Variants in HS6ST3 observed in about 807,000 individuals in gnomAD.
The protein encoded by HS6ST3 is heparan sulfate 6-O-sulfotransferase 3, also known as heparan-sulfate 6-O-sulfotransferase 3.
HS6ST3 carries 12 observed loss-of-function variants against 36.7 expected under a neutral mutation model. That is an observed-to-expected ratio of 0.33 (90% CI 0.21 to 0.53). HS6ST3 has a LOEUF of 0.53. Ranked by LOEUF, HS6ST3 falls within the 20% of genes least tolerant of loss-of-function variation. The pLI, the probability that HS6ST3 is intolerant of heterozygous loss-of-function variation, is 0.95. For missense variants in HS6ST3, 584 were observed against 640.9 expected (o/e 0.91, Z 0.96); for synonymous variants, 240 against 257.5 (o/e 0.93, Z 0.65).
intron 1 of HS6ST3, among the ~76,000 whole-genome samples, chr13:96,279,577 T>C (rs1009110748): frequency 6.6e-6 from 1 of 152,180 alleles, no homozygotes; most frequent in Non-Finnish European, 1.5e-5. Flanking sequence ...AATTAAGAAC[T>C]AAGAGCTGAG....
intron 1 of HS6ST3, among the ~76,000 whole-genome samples, chr13:96,570,285 C>T (rs927634677): frequency 1.7e-4 from 26 of 152,160 alleles, no homozygotes; most frequent in Non-Finnish European, 2.6e-4. Context: ...CATACAGTTT[C>T]TTTGCTCATA....
At chr13:96,284,954 T>G (rs1317426544) in intron 1 of HS6ST3, among the ~76,000 whole-genome samples, 7 of 147,140 alleles carry the variant, frequency 4.8e-5, no homozygotes, top group Non-Finnish European at 9.0e-5. Flanking sequence ...TTTCTTTCTT[T>G]CTTTCTTTCT....
At chr13:96,387,744 C>T (rs1312364833) in intron 1 of HS6ST3, among the ~76,000 whole-genome samples, 1 of 152,194 alleles carries the variant, frequency 6.6e-6, no homozygotes, top group African/African-American at 2.4e-5. Context: ...TCAAAACTTT[C>T]ATTTATCATT....
chr13:96,250,857 T>C (rs1437309163), intron 1 of HS6ST3, among the ~76,000 whole-genome samples: 1 of 152,238 alleles, frequency 6.6e-6, no homozygotes, highest in Non-Finnish European at 1.5e-5. Context: ...ATGCTTCTTA[T>C]CCTTCATTCC....
At chr13:96,747,371 G>T (rs1287643067) in intron 1 of HS6ST3, among the ~76,000 whole-genome samples, 1 of 151,948 alleles carries the variant, frequency 6.6e-6, no homozygotes, top group Non-Finnish European at 1.5e-5. Flanking sequence ...TATCTATTTT[G>T]GTTAAAGACT....
chr13:96,503,197 C>A (rs2056012462), intron 1 of HS6ST3, among the ~76,000 whole-genome samples: 1 of 152,078 alleles, frequency 6.6e-6, no homozygotes, highest in Non-Finnish European at 1.5e-5. Flanking sequence ...TGGGAAACAG[C>A]AGCTTCTCCT....
intron 1 of HS6ST3, among the ~76,000 whole-genome samples, chr13:96,795,836 C>A (rs528242050): frequency 9.2e-5 from 14 of 152,222 alleles, no homozygotes; most frequent in Non-Finnish European, 1.6e-4. Context: ...GCAATTTCTG[C>A]CAAGTGGCAA....
intron 1 of HS6ST3, among the ~76,000 whole-genome samples, chr13:96,497,243 C>T (rs550537031): frequency 7.2e-5 from 11 of 152,178 alleles, no homozygotes; most frequent in South Asian, 2.1e-4. Context: ...CAGGCCTCGC[C>T]GTCTAGTGGG....
At chr13:96,249,980 G>A (rs1300795079) in intron 1 of HS6ST3, among the ~76,000 whole-genome samples, 1 of 152,274 alleles carries the variant, frequency 6.6e-6, no homozygotes, top group East Asian at 1.9e-4. Flanking sequence ...CCAAGTTTAA[G>A]TTTGGGATGA....
In HS6ST3 at chr13:96,091,498, G is replaced by A; in HGVS notation, c.636G>A (p.Trp212Ter). Residue 212 changes from tryptophan (W) to a stop codon, truncating the protein, a stop_gained, in exon 1 of 2, where the codon TGG becomes TGA. Coordinates refer to ENST00000376705, the MANE Select transcript of HS6ST3 (RefSeq NM_153456.4). LOFTEE classifies it high-confidence loss of function. ...GGAGCTGCGGGCTGCACGCCGACTGGACGGAGCTCACCAACTGCGTGCCGG... is the reference window on the plus strand; with the variant it reads ...GGAGCTGCGGGCTGCACGCCGACTGAACGGAGCTCACCAACTGCGTGCCGG... ...TGWSCGLHAD[W>*]TELTNCVPAI... The A allele has an allele frequency of 6.2e-7, 1 of 1,600,946 alleles. No homozygotes were observed. The highest frequency in any genetic ancestry group is 8.5e-7 in the Non-Finnish European group (1 of 1,175,910).
chr13:96,287,453 T>A (rs2054809284), intron 1 of HS6ST3, among the ~76,000 whole-genome samples: 1 of 152,154 alleles, frequency 6.6e-6, no homozygotes, highest in South Asian at 2.1e-4. Flanking sequence ...TCAATATAAG[T>A]CATTACTTAC....
chr13:96,139,639 GTGT>G (rs2054020304), intron 1 of HS6ST3, among the ~76,000 whole-genome samples: 1 of 150,488 alleles, frequency 6.6e-6, no homozygotes, highest in African/African-American at 2.4e-5. Flanking sequence ...TCATGGTGAA[GTGT>G]ACATCATGAA....
chr13:96,317,835 A>G (rs1309606726), intron 1 of HS6ST3, among the ~76,000 whole-genome samples: 1 of 151,104 alleles, frequency 6.6e-6, no homozygotes, highest in Non-Finnish European at 1.5e-5. Flanking sequence ...CATTTTTAAT[A>G]TGTTTGTTAG....
intron 1 of HS6ST3, among the ~76,000 whole-genome samples, chr13:96,349,358 A>G (rs1031531177): frequency 2.0e-5 from 3 of 152,170 alleles, no homozygotes; most frequent in African/African-American, 7.2e-5. Flanking sequence ...CTTCTTAAGA[A>G]AGTGATTGTG....
At chr13:96,496,943 G>A (rs542009289) in intron 1 of HS6ST3, among the ~76,000 whole-genome samples, 28 of 152,224 alleles carry the variant, frequency 1.8e-4, no homozygotes, top group Non-Finnish European at 3.8e-4. Context: ...CCTCATGGGG[G>A]TTGTGTGCTG....
chr13:96,786,489 C>T (rs7139460), intron 1 of HS6ST3, among the ~76,000 whole-genome samples: 5,919 of 152,022 alleles, frequency 0.039, 388 homozygotes, highest in African/African-American at 0.13. Context: ...GTAGGTGTAC[C>T]GTAAATATTA....
chr13:96,599,647 T>A (rs2056414583), intron 1 of HS6ST3, among the ~76,000 whole-genome samples: 3 of 152,034 alleles, frequency 2.0e-5, no homozygotes, highest in Admixed American at 2.0e-4. Context: ...GCTGGTCTCA[T>A]CTTTGTTGTT....
intron 1 of HS6ST3, among the ~76,000 whole-genome samples, chr13:96,143,373 T>TA (rs1340134622): frequency 6.7e-6 from 1 of 149,796 alleles, no homozygotes; most frequent in Non-Finnish European, 1.5e-5. Context: ...CCTTGTCTGT[T>TA]AAAAAATATA....
At chr13:96,342,792 A>G (rs991339732) in intron 1 of HS6ST3, among the ~76,000 whole-genome samples, 7 of 152,198 alleles carry the variant, frequency 4.6e-5, no homozygotes, top group Non-Finnish European at 8.8e-5. Context: ...CAGATCATTT[A>G]TCTCCGCACA....
Sources: gnomAD v4.1 joint callset for allele counts (sites outside exome capture counted in the v4.1 genomes callset) on GRCh38, gnomAD v4.1.1 for gene constraint, MANE v1.5 for transcripts, NCBI Gene and HGNC (gene_info 2026-07-23, HGNC 2026-07-21) for gene names.